Variants in GABBR2 observed in about 807,000 individuals in gnomAD.
GABBR2 encodes the protein G-protein coupled receptor 51.
In GABBR2, 23 loss-of-function variants were observed where a neutral mutation model predicts 105.6. The observed-to-expected ratio is 0.22, with a 90% CI of 0.16 to 0.31. GABBR2 has a LOEUF of 0.31. Ranked by LOEUF, GABBR2 falls within the 10% of genes least tolerant of loss-of-function variation. GABBR2 has a pLI of 1.00. For synonymous variants in GABBR2, 478 were observed against 499.7 expected (o/e 0.96, Z 0.58); for missense variants, 734 against 1,245.5 (o/e 0.59, Z 6.18).
intron 4 of GABBR2, among the ~76,000 whole-genome samples, chr9:98,481,831 T>C (rs1826927892): frequency 6.6e-6 from 1 of 152,226 alleles, no homozygotes; most frequent in Non-Finnish European, 1.5e-5. Context: ...ACATTCATTA[T>C]CTCAGTGTGG....
intron 6 of GABBR2, among the ~76,000 whole-genome samples, chr9:98,464,720 T>C (rs961654844): frequency 6.6e-6 from 1 of 152,082 alleles, no homozygotes; most frequent in Non-Finnish European, 1.5e-5. Flanking sequence ...AGATTGTTAC[T>C]GTGTCTGTGT....
In GABBR2 at chr9:98,293,889, G is replaced by A; in HGVS notation, c.2556C>T (p.Ala852=). The change falls in exon 18 of 19, where the codon GCC becomes GCT. Residue 852 remains alanine (A), a synonymous_variant. Transcript: ENST00000259455. ...NFTESTDGGK[A]ILKNHLDQNP... Reference sequence around the variant, plus strand: ...TTTGATCGAGGTGATTTTTTAAAATGGCCTTTCCTCCATCTGAATGCAAAA... The same window carrying A: ...TTTGATCGAGGTGATTTTTTAAAATAGCCTTTCCTCCATCTGAATGCAAAA... The A allele has an allele frequency of 6.2e-7, 1 of 1,603,638 alleles. No homozygotes were observed. Among genetic ancestry groups the A allele is most frequent in the Non-Finnish European group, 8.5e-7 (1 of 1,170,638 alleles).
chr9:98,335,323 G>A (rs958826421), intron 13 of GABBR2, among the ~76,000 whole-genome samples: 1 of 152,084 alleles, frequency 6.6e-6, no homozygotes, highest in Admixed American at 6.6e-5. Context: ...TGGCTGGCAG[G>A]GACCAACTGG....
In GABBR2 at chr9:98,453,971, T is replaced by A; in HGVS notation, c.1236+10A>T. The A allele has an allele frequency of 6.3e-7, 1 of 1,585,744 alleles. No individual in the cohort carries two copies. The highest frequency in any genetic ancestry group is 8.7e-7 in the Non-Finnish European group (1 of 1,154,060). ...CACTAAGGAAAACAGCCCAGAGGCATGGGACTGACCGTGACCCCGAAGAAG... is the reference window on the plus strand; with the variant it reads ...CACTAAGGAAAACAGCCCAGAGGCAAGGGACTGACCGTGACCCCGAAGAAG... On this transcript the variant is annotated intron_variant, in intron 7 of 18. Transcript: ENST00000259455.
chr9:98,406,052 C>T, intron 8 of GABBR2, 29 bp downstream of exon 8: 1 of 1,226,532 alleles, frequency 8.2e-7, no homozygotes, highest in East Asian at 2.3e-5. Context: ...ATTTTATCAG[C>T]TAGAAAGAAT....
chr9:98,585,130 C>T (rs1048571486), intron 1 of GABBR2, among the ~76,000 whole-genome samples: 2 of 152,092 alleles, frequency 1.3e-5, no homozygotes, highest in Non-Finnish European at 2.9e-5. Context: ...CATGTAGCAC[C>T]TAGAATGGTC....
intron 1 of GABBR2, among the ~76,000 whole-genome samples, chr9:98,619,205 T>A (rs967718522): frequency 6.0e-5 from 9 of 151,164 alleles, no homozygotes; most frequent in Non-Finnish European, 1.3e-4. Context: ...CAAAAGAAGG[T>A]AATAAAAGAA....
intron 1 of GABBR2, among the ~76,000 whole-genome samples, chr9:98,585,041 T>C (rs1436451009): frequency 6.6e-6 from 1 of 152,076 alleles, no homozygotes; most frequent in Non-Finnish European, 1.5e-5. Flanking sequence ...CTTCCAATCA[T>C]CCCCATACAG....
intron 6 of GABBR2, among the ~76,000 whole-genome samples, chr9:98,460,661 T>A (rs1475827728): frequency 2.0e-5 from 3 of 152,078 alleles, no homozygotes; most frequent in Non-Finnish European, 4.4e-5. Flanking sequence ...ACATGGAATA[T>A]GTTGAAAAAG....
intron 7 of GABBR2, among the ~76,000 whole-genome samples, chr9:98,429,056 G>A (rs558666461): frequency 2.6e-5 from 4 of 151,902 alleles, no homozygotes; most frequent in Admixed American, 6.6e-5. Flanking sequence ...GGTTCATTTC[G>A]CTTTATCACA....
chr9:98,568,445 GT>G (rs1828780869), intron 2 of GABBR2, among the ~76,000 whole-genome samples: 1 of 152,216 alleles, frequency 6.6e-6, no homozygotes, highest in African/African-American at 2.4e-5. Context: ...GCTGGACGTG[GT>G]TTTCAAGGTG....
At chr9:98,517,575 T>C (rs527924679) in intron 3 of GABBR2, among the ~76,000 whole-genome samples, 2 of 152,234 alleles carry the variant, frequency 1.3e-5, no homozygotes, top group South Asian at 2.1e-4. Flanking sequence ...CTAAACTTCA[T>C]TGTAAGTGAG....
chr9:98,573,492 C>G (rs1828864182), intron 2 of GABBR2, among the ~76,000 whole-genome samples: 1 of 152,176 alleles, frequency 6.6e-6, no homozygotes. Context: ...CTATGTTCCC[C>G]AGGCTGGCCT....
intron 7 of GABBR2, among the ~76,000 whole-genome samples, chr9:98,432,402 A>G (rs1825828594): frequency 6.6e-6 from 1 of 152,206 alleles, no homozygotes; most frequent in Non-Finnish European, 1.5e-5. Context: ...ATCTCTCTGT[A>G]GAAACACGGC....
At chr9:98,362,889 C>G in intron 12 of GABBR2, 52 bp from the exon 13 acceptor site, 2 of 1,434,222 alleles carry the variant, frequency 1.4e-6, no homozygotes. Flanking sequence ...CAGCTTCCCA[C>G]GCAGCAACTG....
intron 1 of GABBR2, among the ~76,000 whole-genome samples, chr9:98,610,488 C>T (rs1588251529): frequency 6.6e-6 from 1 of 152,196 alleles, no homozygotes; most frequent in East Asian, 1.9e-4. Flanking sequence ...TATTACCTTA[C>T]ATGGCAAAAA....
At chr9:98,481,588 C>T (rs1287403800) in intron 4 of GABBR2, among the ~76,000 whole-genome samples, 1 of 152,156 alleles carries the variant, frequency 6.6e-6, no homozygotes, top group Non-Finnish European at 1.5e-5. Flanking sequence ...GCTTTGTTCG[C>T]ATCTCAGCTC....
At chr9:98,667,768 G>A (rs930932043) in intron 1 of GABBR2, among the ~76,000 whole-genome samples, 2 of 152,202 alleles carry the variant, frequency 1.3e-5, no homozygotes, top group African/African-American at 4.8e-5. Context: ...AGTTTCCCGA[G>A]AAATCTGACC....
chr9:98,424,408 T>C (rs1832837163), intron 7 of GABBR2, among the ~76,000 whole-genome samples: 2 of 151,740 alleles, frequency 1.3e-5, no homozygotes. Context: ...AGCATTCCCT[T>C]TGAAAACGGG....
Sources: gnomAD v4.1 joint callset for allele counts (sites outside exome capture counted in the v4.1 genomes callset) on GRCh38, gnomAD v4.1.1 for gene constraint, MANE v1.5 for transcripts, NCBI Gene and HGNC (gene_info 2026-07-23, HGNC 2026-07-21) for gene names.